The following DMGDH variants were observed in gnomAD, a reference collection of about 807,000 sequenced individuals.
DMGDH encodes the protein dimethylglycine dehydrogenase, mitochondrial.
DMGDH carries 76 observed loss-of-function variants against 95.2 expected under a neutral mutation model. The observed-to-expected ratio is 0.80, with a 90% CI of 0.66 to 0.97. DMGDH has a LOEUF of 0.97. Ranked by LOEUF, DMGDH falls within the 50% of genes least tolerant of loss-of-function variation. DMGDH has a pLI of 0.00. For synonymous variants in DMGDH, 345 were observed against 377.6 expected (o/e 0.91, Z 1.00); for missense variants, 987 against 1,055.0 (o/e 0.94, Z 0.89).
chr5:79,006,492 G>C (rs1753548672), intron 14 of DMGDH, among the ~76,000 whole-genome samples: 1 of 152,192 alleles, frequency 6.6e-6, no homozygotes, highest in African/African-American at 2.4e-5. Context: ...TGAGACTTCT[G>C]CATACTCTGC....
At chr5:79,027,639 A>T (rs1208123131) in intron 12 of DMGDH, among the ~76,000 whole-genome samples, 2 of 152,102 alleles carry the variant, frequency 1.3e-5, no homozygotes, top group Non-Finnish European at 2.9e-5. Context: ...TACCATGTGC[A>T]AGGTTAGGTG....
Position 79,033,352 on chromosome 5 carries a change from T to C in DMGDH, c.1250A>G (p.His417Arg). 2.5e-6 allele frequency: 4 copies of C among 1,614,224 alleles called. No individual in the cohort carries two copies. The highest frequency in any genetic ancestry group is 3.4e-6 in the Non-Finnish European group (4 of 1,180,044). The change falls in exon 8 of 16, where the codon CAT becomes CGT. Residue 417 changes from histidine to arginine, a missense_variant. Coordinates refer to ENST00000255189, the MANE Select transcript of DMGDH (RefSeq NM_013391.3). ...VGKYLSDWIL[H>R]GEPPFDLIEL... ...TATCAGATCAAAAGGAGGTTCTCCATGCAGGATCCAGTCACTGAGATATTT... is the reference window on the plus strand; with the variant it reads ...TATCAGATCAAAAGGAGGTTCTCCACGCAGGATCCAGTCACTGAGATATTT...
chr5:79,056,481 T>TG (rs1196165991), intron 2 of DMGDH, among the ~76,000 whole-genome samples: 3 of 151,960 alleles, frequency 2.0e-5, no homozygotes. Context: ...AGGCGGAGCT[T>TG]GCAGTGAGCC....
At chr5:79,020,657 G>T in intron 14 of DMGDH, 1 of 967,550 alleles carries the variant, frequency 1.0e-6, no homozygotes, top group South Asian at 4.8e-5. Context: ...AATCAACATT[G>T]TCTTATAACT....
At chr5:79,067,589 TTC>T (rs2112683456) in intron 1 of DMGDH, among the ~76,000 whole-genome samples, 1 of 152,338 alleles carries the variant, frequency 6.6e-6, no homozygotes, top group South Asian at 2.1e-4. Flanking sequence ...GCTGTGAAGG[TTC>T]TGTTTGGCAA....
intron 11 of DMGDH, 55 bp downstream of exon 11, chr5:79,029,849 A>C (rs558617324): frequency 6.4e-7 from 1 of 1,572,958 alleles, no homozygotes; most frequent in South Asian, 1.2e-5. Context: ...AACTTAATGT[A>C]AGATTGAGTC....
At chr5:78,998,343 T>C (rs1325948588) in intron 15 of DMGDH, 46 bp from the exon 16 acceptor site, 2 of 1,564,690 alleles carry the variant, frequency 1.3e-6, no homozygotes, top group Admixed American at 3.6e-5. Context: ...GTCACAGCTC[T>C]GTGCTCCTCA....
rs979065177 is a variant in DMGDH, at chr5:79,069,568, G to A, written c.53C>T (p.Pro18Leu). 7 of 1,347,366 alleles carry A rather than the reference G, an allele frequency of 5.2e-6. No homozygotes were observed. Among genetic ancestry groups the A allele is most frequent in the Middle Eastern group, 2.1e-4 (1 of 4,822 alleles). 83.5% of individuals were successfully genotyped at this position (1,347,366 alleles called of 1,614,324 possible). A position where few individuals can be genotyped will look rare whatever the true frequency, so the allele number is the denominator to read the frequency against. The change falls in exon 1 of 16, where the codon CCG (proline) becomes CTG (leucine). Residue 18 changes from proline (P) to leucine (L), a missense_variant. Transcript: ENST00000255189. ...CGGGCGCCCGGGGGAGCCCTGCAGCGGGCAGCTCCGCAGCAGGAGGCCCCG... is the reference window on the plus strand; with the variant it reads ...CGGGCGCCCGGGGGAGCCCTGCAGCAGGCAGCTCCGCAGCAGGAGGCCCCG... ...LLRGLLLRSC[P>L]LQGSPGRPRS...
intron 14 of DMGDH, among the ~76,000 whole-genome samples, chr5:79,014,303 AG>A (rs1753691663): frequency 6.6e-6 from 1 of 152,250 alleles, no homozygotes; most frequent in South Asian, 2.1e-4. Context: ...GATGTTAAAG[AG>A]AACACTTAAT....
At chr5:79,053,719 C>T (rs924192854) in intron 4 of DMGDH, among the ~76,000 whole-genome samples, 5 of 152,168 alleles carry the variant, frequency 3.3e-5, no homozygotes, top group African/African-American at 1.2e-4. Flanking sequence ...AATCTAGATC[C>T]GTACCTAGCA....
At chr5:79,061,696 G>T (rs1171955593) in intron 2 of DMGDH, among the ~76,000 whole-genome samples, 3 of 152,086 alleles carry the variant, frequency 2.0e-5, no homozygotes, top group Non-Finnish European at 4.4e-5. Context: ...GAGGCTGGAG[G>T]ATCATTTGAG....
At chr5:79,035,649 C>T (rs1754327422) in intron 7 of DMGDH, among the ~76,000 whole-genome samples, 1 of 145,996 alleles carries the variant, frequency 6.8e-6, no homozygotes, top group Non-Finnish European at 1.5e-5. Context: ...TTCCTATGGC[C>T]TGGCTGCTAT....
At chr5:79,010,374 C>G in intron 14 of DMGDH, among the ~76,000 whole-genome samples, 1 of 152,270 alleles carries the variant, frequency 6.6e-6, no homozygotes, top group East Asian at 1.9e-4. Flanking sequence ...CTATAAGACA[C>G]TGGGTAGAGA....
At position 79,054,352 on chromosome 5, in the gene DMGDH, T is replaced by C; in HGVS notation, c.376-4A>G. 3 of 1,614,008 alleles carry C rather than the reference T, an allele frequency of 1.9e-6. No individual in the cohort carries two copies. Among genetic ancestry groups the C allele is most frequent in the Non-Finnish European group, 2.5e-6 (3 of 1,179,924 alleles). On this transcript the variant is annotated splice_region_variant and splice_polypyrimidine_tract_variant and intron_variant, in intron 3 of 15. Transcript: ENST00000255189. ...CTGGCTGATGGAATCCCACCACCTG[T>C]GACAATAATTCCAGTGAGAGCATAT...
At chr5:79,032,924 G>T in intron 8 of DMGDH, 84 bp from the exon 9 acceptor site, 1 of 1,535,240 alleles carries the variant, frequency 6.5e-7, no homozygotes, top group Non-Finnish European at 9.0e-7. Context: ...TGGAAATACA[G>T]TACTTAAAAT....
rs767620056 is a variant in DMGDH, at chr5:78,998,235, T to A, written c.2448A>T (p.Ala816=). 6 of 1,614,226 alleles carry A rather than the reference T, an allele frequency of 3.7e-6. No individual in the cohort carries two copies. In the South Asian group the frequency reaches 6.6e-5, roughly 18 times the overall value. The part of the protein sequence containing the change: ...SYSIQKSLAF[A]YVPVQLSEVG... ...CTTCACTTAGTTGTACAGGGACATATGCGAAAGCCAGACTCTTCTGGATGC... is the reference window on the plus strand; with the variant it reads ...CTTCACTTAGTTGTACAGGGACATAAGCGAAAGCCAGACTCTTCTGGATGC... Residue 816 remains alanine, a synonymous_variant, in exon 16 of 16, where the codon GCA becomes GCT. Coordinates refer to ENST00000255189, the MANE Select transcript of DMGDH (RefSeq NM_013391.3).
chr5:79,011,687 G>A (rs1753650122), intron 14 of DMGDH, among the ~76,000 whole-genome samples: 1 of 152,130 alleles, frequency 6.6e-6, no homozygotes, highest in African/African-American at 2.4e-5. Context: ...GAATCATGGT[G>A]GAAGGCAAAG....
At chr5:79,064,449 C>A (rs1393898246) in intron 1 of DMGDH, among the ~76,000 whole-genome samples, 1 of 152,006 alleles carries the variant, frequency 6.6e-6, no homozygotes, top group Non-Finnish European at 1.5e-5. Context: ...CTAGATGAGT[C>A]TGAGTGAGAG....
In DMGDH at chr5:79,044,543, G is replaced by A. The variant is rs757351860; in HGVS notation, c.755C>T (p.Ala252Val). 2 of 1,613,950 alleles carry A rather than the reference G, an allele frequency of 1.2e-6. No individual in the cohort carries two copies. The highest frequency in any genetic ancestry group is 1.7e-6 in the Non-Finnish European group (2 of 1,180,010). ...NRIVNAAGFWAREVGKMIGLE... is the reference protein window; with the variant it reads ...NRIVNAAGFWVREVGKMIGLE... ...TCCAATCATTTTACCTACTTCACGA[G>A]CCCAAAATCCTTAAACAAAAAAATC... The change falls in exon 6 of 16, where the codon GCT becomes GTT. Residue 252 changes from alanine to valine, a missense_variant. Coordinates refer to ENST00000255189, the MANE Select transcript of DMGDH (RefSeq NM_013391.3).
Sources: allele counts gnomAD v4.1 joint callset (sites outside exome capture counted in the v4.1 genomes callset), GRCh38; gene constraint gnomAD v4.1.1; transcripts MANE v1.5; gene names NCBI Gene and HGNC (gene_info 2026-07-23, HGNC 2026-07-21).